Variants in UBE3D observed in about 807,000 individuals in gnomAD.
UBE3D encodes the protein ubiquitin protein ligase E3D.
In UBE3D, 48 loss-of-function variants were observed where a neutral mutation model predicts 49.6. The ratio of observed to expected loss-of-function variants is 0.97; its 90% CI spans 0.77 to 1.23. The LOEUF is 1.23. UBE3D is among the 50% of genes most tolerant of loss of function. The pLI, the probability that UBE3D is intolerant of heterozygous loss-of-function variation, is 0.00. For missense variants in UBE3D, 452 were observed against 468.4 expected, an observed-to-expected ratio of 0.96 and a Z score of 0.32; for synonymous variants, 189 against 174.2, an observed-to-expected ratio of 1.08 and a Z score of -0.67.
At chr6:83,053,308 G>A (rs1783592336) in intron 3 of UBE3D, among the ~76,000 whole-genome samples, 1 of 152,226 alleles carries the variant, frequency 6.6e-6, no homozygotes, top group East Asian at 1.9e-4. Flanking sequence ...CACTGGAAGA[G>A]AAGCAGGTTT....
chr6:82,977,340 T>G (rs1024528786), intron 8 of UBE3D, among the ~76,000 whole-genome samples: 1 of 152,088 alleles, frequency 6.6e-6, no homozygotes, highest in African/African-American at 2.4e-5. Flanking sequence ...ATATTACCAA[T>G]AATGATTATT....
chr6:83,026,784 T>C (rs1781492454), intron 5 of UBE3D, among the ~76,000 whole-genome samples: 2 of 152,012 alleles, frequency 1.3e-5, no homozygotes, highest in African/African-American at 4.8e-5. Flanking sequence ...CTCGAACCCC[T>C]GGGCTTAAGT....
intron 8 of UBE3D, among the ~76,000 whole-genome samples, chr6:83,015,646 C>A (rs776748317): frequency 1.2e-4 from 18 of 152,152 alleles, no homozygotes; most frequent in Non-Finnish European, 2.4e-4. Flanking sequence ...TCATAGGTCA[C>A]ACTCTCAACC....
Position 83,019,091 on chromosome 6 carries a change from T to G in UBE3D, c.892A>C (p.Asn298His), listed in dbSNP as rs1458961084. The G allele has an allele frequency of 1.2e-6, 2 of 1,613,752 alleles. No homozygotes were observed. The highest frequency in any genetic ancestry group is 1.7e-5 in the Admixed American group (1 of 59,936). ...SDSLVIESLR[N>H]SKYIKKFPLL... The stretch of plus-strand genomic sequence containing the variant: ...GGGAATTTTTTGATATATTTGGAAT[T>G]TCTCAAAGATTCAATCACCAAACTG... The change falls in exon 8 of 10, where the codon AAT becomes CAT. Residue 298 changes from asparagine (N) to histidine (H), a missense_variant. By Grantham distance (68) the Asn-to-His change is moderately conservative (BLOSUM62 1). Transcript: ENST00000369747.
At chr6:82,911,732 G>A (rs1281082500) in intron 9 of UBE3D, among the ~76,000 whole-genome samples, 1 of 152,146 alleles carries the variant, frequency 6.6e-6, no homozygotes, top group Non-Finnish European at 1.5e-5. Context: ...CCCCAATGAA[G>A]GTGAGGGGGT....
At chr6:83,064,933 C>T (rs1336557469) in intron 1 of UBE3D, among the ~76,000 whole-genome samples, 1 of 152,198 alleles carries the variant, frequency 6.6e-6, no homozygotes, top group Admixed American at 6.5e-5. Flanking sequence ...CTAACTTACT[C>T]TCTTTGAAAC....
At chr6:82,976,933 T>C (rs1377948873) in intron 8 of UBE3D, among the ~76,000 whole-genome samples, 2 of 151,704 alleles carry the variant, frequency 1.3e-5, no homozygotes, top group Non-Finnish European at 2.9e-5. Flanking sequence ...GCTAACACGG[T>C]GAAACCCCGT....
chr6:82,914,765 C>T (rs1772789842), intron 9 of UBE3D, among the ~76,000 whole-genome samples: 1 of 152,170 alleles, frequency 6.6e-6, no homozygotes, highest in African/African-American at 2.4e-5. Flanking sequence ...TCTATTACTT[C>T]CCCATTTAGC....
chr6:82,919,434 T>C (rs1051248416), intron 9 of UBE3D, among the ~76,000 whole-genome samples: 1 of 151,550 alleles, frequency 6.6e-6, no homozygotes, highest in Non-Finnish European at 1.5e-5. Flanking sequence ...AAACCCTGTC[T>C]GCACTAAAAA....
chr6:82,936,860 C>T (rs1258982500), intron 9 of UBE3D, among the ~76,000 whole-genome samples: 2 of 152,170 alleles, frequency 1.3e-5, no homozygotes, highest in South Asian at 2.1e-4. Flanking sequence ...CAAGCTCTTA[C>T]ACTTCTGTGA....
chr6:82,998,462 C>T (rs1779397302), intron 8 of UBE3D, among the ~76,000 whole-genome samples: 2 of 152,160 alleles, frequency 1.3e-5, no homozygotes. Context: ...TTATACTTAT[C>T]ATCTCACATT....
At chr6:82,982,878 G>A (rs1324507050) in intron 8 of UBE3D, among the ~76,000 whole-genome samples, 1 of 152,198 alleles carries the variant, frequency 6.6e-6, no homozygotes, top group African/African-American at 2.4e-5. Context: ...CTGAGGCACA[G>A]CTCACAGAGG....
the UBE3D span, among the ~76,000 whole-genome samples, chr6:82,886,046 TG>T: frequency 6.6e-6 from 1 of 152,200 alleles, no homozygotes; most frequent in Non-Finnish European, 1.5e-5. Flanking sequence ...GTTTCTCTTG[TG>T]TGTTTTTTCT....
chr6:83,021,862 C>G (rs1473871256), intron 7 of UBE3D, among the ~76,000 whole-genome samples: 4 of 151,340 alleles, frequency 2.6e-5, no homozygotes, highest in Non-Finnish European at 4.4e-5. Context: ...GAGTGATACT[C>G]CATCTCAAAA....
chr6:83,058,070 A>T (rs1005803206), intron 1 of UBE3D, 48 bp from the exon 2 acceptor site: 1 of 1,590,850 alleles, frequency 6.3e-7, no homozygotes, highest in Admixed American at 1.7e-5. Flanking sequence ...CACAATGAAA[A>T]CCACATGATG....
chr6:82,935,407 A>G (rs1774493639), intron 9 of UBE3D, among the ~76,000 whole-genome samples: 2 of 152,150 alleles, frequency 1.3e-5, no homozygotes, highest in African/African-American at 4.8e-5. Flanking sequence ...TTAAAATTCA[A>G]CATAAGATTT....
intron 8 of UBE3D, among the ~76,000 whole-genome samples, chr6:82,980,360 C>T (rs62419169): frequency 0.18 from 26,902 of 151,870 alleles, 2,552 homozygotes; most frequent in African/African-American, 0.24. Context: ...TTTTCTCATG[C>T]TTGTTGAACA....
At chr6:82,887,388 A>AGTTTTTGTTTTGTTTTGTTTT in the UBE3D span, among the ~76,000 whole-genome samples, 2 of 79,158 alleles carry the variant, frequency 2.5e-5, no homozygotes, top group African/African-American at 1.7e-4. Flanking sequence ...AGACAGTAAC[A>AGTTTTTGTTTTGTTTTGTTTT]GTTTTTTTTT....
intron 9 of UBE3D, among the ~76,000 whole-genome samples, chr6:82,907,226 G>T (rs909772517): frequency 6.6e-6 from 1 of 152,140 alleles, no homozygotes. Flanking sequence ...GGATGAGGTC[G>T]GGCTGTTGCT....
Sources: gnomAD v4.1 joint callset for allele counts (sites outside exome capture counted in the v4.1 genomes callset) on GRCh38, gnomAD v4.1.1 for gene constraint, MANE v1.5 for transcripts, NCBI Gene and HGNC (gene_info 2026-07-23, HGNC 2026-07-21) for gene names.